Variants in TENM4 observed in about 807,000 individuals in gnomAD.
TENM4 encodes the protein teneurin-4.
In TENM4, 82 loss-of-function variants were observed where a neutral mutation model predicts 243.3. The observed-to-expected ratio is 0.34, with a 90% confidence interval of 0.28 to 0.40. The LOEUF is 0.40. Ranked by LOEUF, TENM4 falls within the 10% of genes least tolerant of loss-of-function variation. TENM4 has a pLI of 1.00. For synonymous variants in TENM4, 1,412 were observed against 1,456.3 expected (o/e 0.97, Z 0.69); for missense variants, 3,138 against 3,673.3 (o/e 0.85, Z 3.77).
At chr11:79,278,479 G>T (rs564364281) in intron 2 of TENM4, among the ~76,000 whole-genome samples, 8 of 152,046 alleles carry the variant, frequency 5.3e-5, no homozygotes, top group Admixed American at 1.3e-4. Flanking sequence ...GAAAGACCTG[G>T]GCCTGCTTGC....
rs192512333 is a variant in TENM4 at position 78,755,332 on chromosome 11, T to C, written c.2756+1473A>G. Among the ~76,000 whole-genome samples the C allele has an allele frequency of 2.0e-5, 3 of 152,048 alleles. No homozygotes were observed. In the East Asian group the frequency reaches 5.8e-4, roughly 30 times the overall value. On this transcript the variant is annotated intron_variant, in intron 19 of 33. Transcript: ENST00000278550. ...GGTACCTGCCACCACACCCAACTAA[T>C]TTTTGTTTTGTTTTTTTGGAGAGAT...
chr11:79,191,792 G>A lies in TENM4; in HGVS notation c.-163+24016C>T, dbSNP rs1347945368. On this transcript the variant is annotated intron_variant, in intron 3 of 33. Coordinates refer to ENST00000278550, the MANE Select transcript of TENM4 (RefSeq NM_001098816.3). ...GTCCCGGCCGCGACCCCGTCTGGGA[G>A]GTGAGGAGTGTCTCTGCCCGGCCGC... The A allele has an allele frequency of 1.5e-5, 3 of 194,172 alleles. No individual in the cohort carries two copies. In the East Asian group the frequency reaches 5.3e-4, roughly 34 times the overall value. The allele number at this position is 194,172 out of a possible 1,614,324, so 12.0% of individuals were successfully genotyped here. A position where few individuals can be genotyped will look rare whatever the true frequency, so the allele number is the denominator to read the frequency against.
intron 1 of TENM4, among the ~76,000 whole-genome samples, chr11:79,432,330 T>C (rs1274941453): frequency 2.0e-5 from 3 of 152,238 alleles, no homozygotes; most frequent in Non-Finnish European, 4.4e-5. Context: ...GAGGGTCAGC[T>C]AATTAATGTT....
chr11:79,190,459 C>A (rs1025290702), intron 3 of TENM4, among the ~76,000 whole-genome samples: 1 of 152,124 alleles, frequency 6.6e-6, no homozygotes, highest in African/African-American at 2.4e-5. Context: ...TCTTATTTTT[C>A]TTTAAGACCT....
chr11:79,409,103 C>CGTGTGT (rs1323136993), intron 1 of TENM4, among the ~76,000 whole-genome samples: 1 of 55,214 alleles, frequency 1.8e-5, no homozygotes, highest in Non-Finnish European at 4.1e-5. Context: ...TGTGTGTGTG[C>CGTGTGT]GCGCGCGCGC....
chr11:79,418,037 A>G (rs1232878976), intron 1 of TENM4, among the ~76,000 whole-genome samples: 2 of 152,238 alleles, frequency 1.3e-5, no homozygotes, highest in East Asian at 3.8e-4. Context: ...TGTATGTATC[A>G]GTAGTGGGAT....
At position 78,670,302 on chromosome 11, in the gene TENM4, C is replaced by T; in HGVS notation, c.6043G>A (p.Gly2015Ser). The change falls in exon 32 of 34, where the codon GGC becomes AGC. Residue 2015 changes from glycine (G) to serine (S), a missense_variant. Gly to Ser is a moderately conservative substitution (Grantham distance 56). Around this residue, in one of 2 missense-constraint regions of TENM4, gnomAD observed 2,467 missense variants for 3,059.1 expected, o/e 0.81. Coordinates refer to ENST00000278550, the MANE Select transcript of TENM4 (RefSeq NM_001098816.3). ...GTGRRVIYKY[G>S]KLSKLAETLY... ...GTCTCTGCCAGCTTTGACAGTTTGC[C>T]ATACTTGTATATCACCCTGCGGCCA... The T allele has an allele frequency of 6.2e-7, 1 of 1,613,922 alleles. No homozygotes were observed. Among genetic ancestry groups the T allele is most frequent in the Non-Finnish European group, 8.5e-7 (1 of 1,179,862 alleles).
At chr11:79,399,156 C>G (rs1210315096) in intron 1 of TENM4, among the ~76,000 whole-genome samples, 1 of 152,128 alleles carries the variant, frequency 6.6e-6, no homozygotes, top group Non-Finnish European at 1.5e-5. Flanking sequence ...CAAATGATTC[C>G]CAGCATTTTT....
intron 19 of TENM4, among the ~76,000 whole-genome samples, chr11:78,744,958 T>A (rs921572850): frequency 4.6e-5 from 7 of 152,200 alleles, no homozygotes; most frequent in African/African-American, 1.7e-4. Flanking sequence ...TATTTAATAT[T>A]AGGAGTAGAA....
At chr11:78,705,334 C>T (rs2135780952) in intron 27 of TENM4, among the ~76,000 whole-genome samples, 1 of 152,206 alleles carries the variant, frequency 6.6e-6, no homozygotes, top group Non-Finnish European at 1.5e-5. Context: ...CAAGTGCTTT[C>T]CTACACTTTC....
At chr11:79,131,239 A>G (rs1189467272) in intron 4 of TENM4, among the ~76,000 whole-genome samples, 2 of 152,194 alleles carry the variant, frequency 1.3e-5, no homozygotes, top group Non-Finnish European at 2.9e-5. Context: ...GGGTTATCCA[A>G]AGTTAAGACG....
chr11:78,674,670 G>GA (rs113199028), intron 30 of TENM4, among the ~76,000 whole-genome samples: 19,315 of 151,938 alleles, frequency 0.13, 4,021 homozygotes, highest in African/African-American at 0.44. Context: ...AATTCAGACG[G>GA]GGGAGCTCAG....
chr11:78,895,649 C>T (rs2136308072), intron 7 of TENM4, among the ~76,000 whole-genome samples: 1 of 152,294 alleles, frequency 6.6e-6, no homozygotes, highest in Middle Eastern at 3.4e-3. Flanking sequence ...CAGAGCCCAC[C>T]TTGGGTCATA....
chr11:78,943,520 C>T (rs1332791405), intron 6 of TENM4, among the ~76,000 whole-genome samples: 3 of 152,158 alleles, frequency 2.0e-5, no homozygotes, highest in East Asian at 3.9e-4. Context: ...TCTGCTTCAC[C>T]AGGAGAAATT....
chr11:79,439,800 T>C (rs1020056626), intron 1 of TENM4, among the ~76,000 whole-genome samples: 1 of 152,162 alleles, frequency 6.6e-6, no homozygotes, highest in East Asian at 1.9e-4. Context: ...CCAGAGCACA[T>C]TTCCCGAAGC....
chr11:78,894,074 T>C (rs1855733449), intron 7 of TENM4, among the ~76,000 whole-genome samples: 1 of 152,118 alleles, frequency 6.6e-6, no homozygotes, highest in Admixed American at 6.6e-5. Flanking sequence ...GAATTCAGGA[T>C]ACACAAAGGG....
intron 1 of TENM4, among the ~76,000 whole-genome samples, chr11:79,423,085 A>G (rs1031982574): frequency 1.3e-5 from 2 of 152,052 alleles, no homozygotes; most frequent in East Asian, 1.9e-4. Flanking sequence ...CCTAAACCCA[A>G]TCCCCCAAGG....
At chr11:78,917,662 A>G (rs1565125027) in intron 6 of TENM4, among the ~76,000 whole-genome samples, 1 of 152,298 alleles carries the variant, frequency 6.6e-6, no homozygotes, top group Non-Finnish European at 1.5e-5. Context: ...AATAATACCA[A>G]TGATGGCCTC....
chr11:78,840,382 A>C (rs1025877711), intron 12 of TENM4, among the ~76,000 whole-genome samples: 4 of 152,204 alleles, frequency 2.6e-5, no homozygotes, highest in Non-Finnish European at 2.9e-5. Flanking sequence ...GGAATGAAAC[A>C]AACTGGGCTT....
Sources: gnomAD v4.1 joint callset for allele counts (sites outside exome capture counted in the v4.1 genomes callset) on GRCh38, gnomAD v4.1.1 for gene constraint, gnomAD v4.1.1 regional missense constraint, MANE v1.5 for transcripts, NCBI Gene and HGNC (gene_info 2026-07-23, HGNC 2026-07-21) for gene names.